DCTN4: variants seen among roughly 807,000 people sequenced by gnomAD.
DCTN4 encodes dynactin 4 (p62).
In DCTN4, 23 loss-of-function variants were observed where a neutral mutation model predicts 62.7. The observed-to-expected ratio is 0.37, with a 90% CI of 0.26 to 0.52. The LOEUF (loss-of-function observed/expected upper bound fraction) is 0.52, where lower values mean the gene tolerates loss of function less well. Among genes scored for constraint, DCTN4 ranks in the 20% least tolerant of loss-of-function variants. The pLI is 0.92. For synonymous variants in DCTN4, 199 were observed against 202.1 expected, an observed-to-expected ratio of 0.98 and a Z score of 0.13; for missense variants, 514 against 580.4, an observed-to-expected ratio of 0.89 and a Z score of 1.18.
At chr5:150,742,407 A>G (rs913791286) in intron 3 of DCTN4, among the ~76,000 whole-genome samples, 3 of 152,186 alleles carry the variant, frequency 2.0e-5, no homozygotes, top group African/African-American at 7.2e-5. Context: ...TTTTATTCTC[A>G]TAACAACCCT....
In DCTN4 at chr5:150,715,616, G is replaced by A. The variant is rs955942727; in HGVS notation, c.1118C>T (p.Ala373Val). Residue 373 changes from alanine (A) to valine (V), a missense_variant, in exon 12 of 13, where the codon GCA (alanine) becomes GTA (valine). Transcript: ENST00000447998. ...KELVLAGKDA[A>V]AEYDELAEPQ... ...TTCTGCCAACTCATCGTACTCTGCT[G>A]CTGCATCCTTGCCAGCTAAAACGAG... is the stretch of plus-strand genomic sequence containing the variant. 2 of 1,614,080 alleles carry A rather than the reference G, an allele frequency of 1.2e-6. No homozygotes were observed. Among genetic ancestry groups the A allele is most frequent in the Non-Finnish European group, 1.7e-6 (2 of 1,180,048 alleles).
At chr5:150,737,256 A>G (rs1760616295) in intron 4 of DCTN4, among the ~76,000 whole-genome samples, 1 of 152,218 alleles carries the variant, frequency 6.6e-6, no homozygotes, top group Non-Finnish European at 1.5e-5. Context: ...TATACCCTAG[A>G]ACAAATGGAC....
In DCTN4 at chr5:150,711,223, C is replaced by A. The variant is rs1759549642; in HGVS notation, c.1309G>T (p.Glu437Ter). 6.2e-7 allele frequency: 1 copy of A among 1,612,822 alleles called. No homozygotes were observed. The highest frequency in any genetic ancestry group is 1.3e-5 in the African/African-American group (1 of 74,882). Reference protein sequence around the residue: ...NLAAPIRPIEESDQGTEVIWL... With the variant: ...NLAAPIRPIE ...ATGACTTCTGTTCCCTGGTCACTTT[C>A]TTCAATGGGGCGAATGGGGGCTGCC... The change falls in exon 13 of 13, where the codon GAA becomes TAA. Residue 437 changes from glutamate (E) to a stop codon, truncating the protein, a stop_gained. Coordinates refer to ENST00000447998, the MANE Select transcript of DCTN4 (RefSeq NM_016221.4). LOFTEE classifies it high-confidence loss of function.
chr5:150,716,593 CTG>C (rs1334001735), intron 11 of DCTN4, among the ~76,000 whole-genome samples: 1 of 152,050 alleles, frequency 6.6e-6, no homozygotes, highest in Non-Finnish European at 1.5e-5. Flanking sequence ...TTATTTCTGT[CTG>C]TCTTAACTGG....
At chr5:150,757,056 TAA>T (rs1752890601) in intron 1 of DCTN4, among the ~76,000 whole-genome samples, 1 of 152,216 alleles carries the variant, frequency 6.6e-6, no homozygotes, top group South Asian at 2.1e-4. Flanking sequence ...GTCTAAAATT[TAA>T]GTTCATTTTA....
In DCTN4 at chr5:150,709,152, A is replaced by C. The variant is rs1487516554; in HGVS notation, c.*1997T>G. The C allele has an allele frequency of 6.5e-6, 1 of 152,828 alleles. No individual in the cohort carries two copies. Among genetic ancestry groups the C allele is most frequent in the East Asian group, 1.9e-4 (1 of 5,344 alleles). The allele number at this position is 152,828 out of a possible 1,614,324, so 9.5% of individuals were successfully genotyped here. A position where few individuals can be genotyped will look rare whatever the true frequency, so the allele number is the denominator to read the frequency against. ...ACGAACACACAGAATACTAGCTTACACTAAAACCTATCTTGAGGAAACATT... is the reference window on the plus strand; with the variant it reads ...ACGAACACACAGAATACTAGCTTACCCTAAAACCTATCTTGAGGAAACATT... On this transcript the variant is annotated 3_prime_UTR_variant, in exon 13 of 13. Transcript: ENST00000447998.
Position 150,708,769 on chromosome 5 carries a change from C to T in DCTN4, c.*2380G>A, listed in dbSNP as rs1202453175. The T allele has an allele frequency of 6.5e-6, 1 of 152,808 alleles. No homozygotes were observed. The highest frequency in any genetic ancestry group is 1.5e-5 in the Non-Finnish European group (1 of 68,050). 9.5% of individuals were successfully genotyped at this position (152,808 alleles called of 1,614,324 possible). ...CGCTCAAGCTTTGTCTGCTTTATTTCACTACATTAAGTTAAGCAATAAGGC... is the reference window on the plus strand; with the variant it reads ...CGCTCAAGCTTTGTCTGCTTTATTTTACTACATTAAGTTAAGCAATAAGGC... On this transcript the variant is annotated 3_prime_UTR_variant, in exon 13 of 13. Coordinates refer to ENST00000447998, the MANE Select transcript of DCTN4 (RefSeq NM_016221.4).
At chr5:150,718,229 C>A (rs766402848) in intron 11 of DCTN4, 47 bp downstream of exon 11, 2 of 1,342,096 alleles carry the variant, frequency 1.5e-6, no homozygotes, top group South Asian at 2.4e-5. Context: ...AATGAGGACA[C>A]TCCAGGGAAA....
In DCTN4 at chr5:150,715,639, G is replaced by A. The variant is rs777737309; in HGVS notation, c.1095C>T (p.Leu365=). Residue 365 remains leucine (L), a synonymous_variant, in exon 12 of 13, where the codon CTC becomes CTT. Transcript: ENST00000447998. ...TAKVVVPPKE[L]VLAGKDAAAE... is the part of the protein sequence containing the mutation. Reference sequence around the variant, plus strand: ...CTGCTGCATCCTTGCCAGCTAAAACGAGCTCTTTGGGAGGCACCACCACCT... The same window carrying A: ...CTGCTGCATCCTTGCCAGCTAAAACAAGCTCTTTGGGAGGCACCACCACCT... 4.3e-6 allele frequency: 7 copies of A among 1,614,092 alleles called. No individual in the cohort carries two copies. Among genetic ancestry groups the A allele is most frequent in the Admixed American group, 1.7e-5 (1 of 60,016 alleles).
Position 150,742,116 on chromosome 5 carries a change from G to A in DCTN4, c.427C>T (p.Arg143Trp), listed in dbSNP as rs200338052. Residue 143 changes from arginine (R) to tryptophan (W), a missense_variant and splice_region_variant, in exon 4 of 13, where the codon CGG becomes TGG. Transcript: ENST00000447998. Reference sequence around the variant, plus strand: ...CTCTCTTATGACCCTTTACTTACCCGTTGTGTGTGAGGATTTTCAGGTTCC... The same window carrying A: ...CTCTCTTATGACCCTTTACTTACCCATTGTGTGTGAGGATTTTCAGGTTCC... ...WQEPENPHTQ[R>W]MNKLIEYYQQ... is the part of the protein sequence containing the mutation. 2.9e-5 allele frequency: 47 copies of A among 1,613,300 alleles called. No homozygotes were observed. The highest frequency in any genetic ancestry group is 1.6e-4 in the Middle Eastern group (1 of 6,084).
Position 150,711,296 on chromosome 5 carries a change from C to T in DCTN4, c.1236G>A (p.Glu412=). 1 of 1,613,572 alleles carries T rather than the reference C, an allele frequency of 6.2e-7. No homozygotes were observed. The highest frequency in any genetic ancestry group is 1.1e-5 in the South Asian group (1 of 91,038). ...IFIKVTPQRE[E]GEVTVCFKMK... ...TCTTGAAGCACACGGTCACTTCACC[C>T]TCCTCACGCTGTGGTGTAACTTTGA... The change falls in exon 13 of 13, where the codon GAG becomes GAA. Residue 412 remains glutamate (E), a synonymous_variant. Coordinates refer to ENST00000447998, the MANE Select transcript of DCTN4 (RefSeq NM_016221.4).
At chr5:150,711,645 A>G (rs1194866888) in intron 12 of DCTN4, among the ~76,000 whole-genome samples, 3 of 152,090 alleles carry the variant, frequency 2.0e-5, no homozygotes, top group Non-Finnish European at 4.4e-5. Flanking sequence ...AGCTGGGACT[A>G]CAGGCATGCA....
Position 150,758,881 on chromosome 5 carries a change from G to C in DCTN4, c.113C>G (p.Ser38Trp). The C allele has an allele frequency of 6.2e-7, 1 of 1,613,796 alleles. No homozygotes were observed. Among genetic ancestry groups the C allele is most frequent in the East Asian group, 2.2e-5 (1 of 44,864 alleles). ...TACCTCGTGAGACACACATTCCAGC[G>C]ACCGCAGTTCGCTACAATAGCGGCA... Reference protein sequence around the residue: ...YFCRYCSELRSLECVSHEVDS... With the variant: ...YFCRYCSELRWLECVSHEVDS... The change falls in exon 1 of 13, where the codon TCG becomes TGG. Residue 38 changes from serine (S) to tryptophan (W), a missense_variant. Physicochemically the swap from Ser to Trp is radical, Grantham distance 177. Transcript: ENST00000447998.
In DCTN4 at chr5:150,710,492, GAAC is replaced by G. The variant is rs1759519789; in HGVS notation, c.*654_*656del. On this transcript the variant is annotated 3_prime_UTR_variant, in exon 13 of 13. Coordinates refer to ENST00000447998, the MANE Select transcript of DCTN4 (RefSeq NM_016221.4). ...CATATTTTACTGGGAAAAAAATTAA[GAAC>G]AACTAATACGTGTCCTGTATTCACT... 6.6e-6 allele frequency: 1 copy of G among 152,296 alleles called. No individual in the cohort carries two copies. Among genetic ancestry groups the G allele is most frequent in the Admixed American group, 6.5e-5 (1 of 15,272 alleles). The allele number at this position is 152,296 out of a possible 1,614,324, so 9.4% of individuals were successfully genotyped here.
At chr5:150,755,911 A>G (rs938986919) in intron 2 of DCTN4, among the ~76,000 whole-genome samples, 5 of 152,218 alleles carry the variant, frequency 3.3e-5, no homozygotes, top group African/African-American at 9.6e-5. Context: ...TATCTTCACC[A>G]TAATTCTGAA....
intron 5 of DCTN4, among the ~76,000 whole-genome samples, chr5:150,732,420 G>A (rs997946781): frequency 6.6e-6 from 1 of 152,162 alleles, no homozygotes; most frequent in Non-Finnish European, 1.5e-5. Context: ...CAAAGTGCTG[G>A]GATTACAGGC....
chr5:150,747,213 T>C (rs903416638), intron 3 of DCTN4, among the ~76,000 whole-genome samples: 13 of 152,198 alleles, frequency 8.5e-5, no homozygotes, highest in African/African-American at 1.2e-4. Flanking sequence ...AATAAAATAC[T>C]TAGGAATCCA....
chr5:150,715,531 T>C, intron 12 of DCTN4, 34 bp downstream of exon 12: 1 of 1,566,312 alleles, frequency 6.4e-7, no homozygotes, highest in African/African-American at 1.4e-5. Flanking sequence ...TTATCAGCCA[T>C]TTGTTGTATG....
At chr5:150,753,759 C>T (rs1752760999) in intron 2 of DCTN4, 102 bp from the exon 3 acceptor site, 1 of 1,215,840 alleles carries the variant, frequency 8.2e-7, no homozygotes, top group East Asian at 2.5e-5. Context: ...AAAACAGTAA[C>T]ATTCTGCAGG....
Sources: allele counts gnomAD v4.1 joint callset (sites outside exome capture counted in the v4.1 genomes callset), GRCh38; gene constraint gnomAD v4.1.1; transcripts MANE v1.5; gene names NCBI Gene and HGNC (gene_info 2026-07-23, HGNC 2026-07-21).